The following PDE3A variants were observed in gnomAD, a reference collection of about 807,000 sequenced individuals.
PDE3A encodes the protein cGMP-inhibited 3',5'-cyclic phosphodiesterase 3A.
Under a neutral mutation model 98.3 loss-of-function variants are expected in PDE3A, and 43 were observed. The observed-to-expected ratio is 0.44, with a 90% CI of 0.34 to 0.56. PDE3A has a LOEUF of 0.56. Among genes scored for constraint, PDE3A ranks in the 20% least tolerant of loss-of-function variants. The probability of loss-of-function intolerance (pLI) is 0.01; values close to 1 mark genes in which losing one functional copy is unlikely to be tolerated. For synonymous variants in PDE3A, 663 were observed against 567.9 expected (o/e 1.17, Z -2.38); for missense variants, 1,427 against 1,440.7 (o/e 0.99, Z 0.15).
At chr12:20,456,824 G>A (rs1945160565) in intron 1 of PDE3A, among the ~76,000 whole-genome samples, 1 of 152,096 alleles carries the variant, frequency 6.6e-6, no homozygotes, top group Admixed American at 6.6e-5. Context: ...CTATGGGCTT[G>A]CCCACAGGAA....
intron 2 of PDE3A, among the ~76,000 whole-genome samples, chr12:20,604,074 CAGG>C (rs1035914630): frequency 6.6e-6 from 1 of 151,958 alleles, no homozygotes; most frequent in Non-Finnish European, 1.5e-5. Context: ...GAGGCTGAGG[CAGG>C]AGAATTGCTT....
At chr12:20,485,824 G>C (rs971480596) in intron 1 of PDE3A, among the ~76,000 whole-genome samples, 1 of 152,048 alleles carries the variant, frequency 6.6e-6, no homozygotes, top group Non-Finnish European at 1.5e-5. Flanking sequence ...AGGCTATGGA[G>C]TACAAAGATT....
intron 1 of PDE3A, among the ~76,000 whole-genome samples, chr12:20,385,002 G>T (rs766056757): frequency 3.5e-4 from 53 of 152,102 alleles, no homozygotes; most frequent in Middle Eastern, 3.4e-3. Flanking sequence ...AAACATGCAC[G>T]TATTTTTATA....
intron 2 of PDE3A, among the ~76,000 whole-genome samples, chr12:20,579,781 G>T (rs1055722609): frequency 6.6e-6 from 1 of 152,112 alleles, no homozygotes; most frequent in African/African-American, 2.4e-5. Context: ...TCAGAGTTGC[G>T]CATTAGGTAA....
At chr12:20,391,297 G>T (rs1037062856) in intron 1 of PDE3A, among the ~76,000 whole-genome samples, 10 of 149,312 alleles carry the variant, frequency 6.7e-5, no homozygotes, top group Non-Finnish European at 1.5e-4. Flanking sequence ...TATAAATTAG[G>T]CTATATTCAA....
At position 20,686,021 on chromosome 12, in the gene PDE3A, C is replaced by T. The variant is rs2120529439; in HGVS notation, c.*5750C>T. On this transcript the variant is annotated 3_prime_UTR_variant, in exon 16 of 16. Transcript: ENST00000359062. ...ACCCACAAAATGACATTCCGTGGTACTGAGTATTTTCACATAATCAGAACT... is the reference window on the plus strand; with the variant it reads ...ACCCACAAAATGACATTCCGTGGTATTGAGTATTTTCACATAATCAGAACT... Among the ~76,000 whole-genome samples the T allele has an allele frequency of 6.6e-6, 1 of 152,192 alleles. No individual in the cohort carries two copies. Among genetic ancestry groups the T allele is most frequent in the Non-Finnish European group, 1.5e-5 (1 of 67,974 alleles).
chr12:20,597,086 A>G (rs757035096), intron 2 of PDE3A, among the ~76,000 whole-genome samples: 40 of 152,172 alleles, frequency 2.6e-4, no homozygotes, highest in Non-Finnish European at 5.4e-4. Flanking sequence ...ACTGCTTTCA[A>G]ATGTTGAAAG....
At chr12:20,624,513 G>A (rs911014729) in intron 5 of PDE3A, among the ~76,000 whole-genome samples, 4 of 152,130 alleles carry the variant, frequency 2.6e-5, no homozygotes, top group African/African-American at 9.7e-5. Context: ...ATGGGCAGGT[G>A]GTAGGAATGA....
At chr12:20,438,247 C>T (rs1944811723) in intron 1 of PDE3A, among the ~76,000 whole-genome samples, 1 of 152,122 alleles carries the variant, frequency 6.6e-6, no homozygotes. Context: ...CCTAAAATTT[C>T]AATTTATCTT....
chr12:20,607,245 C>A (rs938258385), intron 2 of PDE3A, among the ~76,000 whole-genome samples: 1 of 151,836 alleles, frequency 6.6e-6, no homozygotes, highest in Non-Finnish European at 1.5e-5. Flanking sequence ...TCAAGACCAG[C>A]CTGGGCAAAA....
intron 1 of PDE3A, among the ~76,000 whole-genome samples, chr12:20,374,530 C>T (rs934147002): frequency 6.6e-6 from 1 of 152,014 alleles, no homozygotes; most frequent in East Asian, 1.9e-4. Context: ...GTGAGTGACA[C>T]TGGCATGAAA....
intron 1 of PDE3A, among the ~76,000 whole-genome samples, chr12:20,495,835 G>A (rs1410803178): frequency 6.6e-6 from 1 of 152,144 alleles, no homozygotes; most frequent in East Asian, 1.9e-4. Context: ...TAGCAATGTA[G>A]GAGAGTGCCT....
At chr12:20,482,964 A>C (rs1945657253) in intron 1 of PDE3A, among the ~76,000 whole-genome samples, 1 of 152,178 alleles carries the variant, frequency 6.6e-6, no homozygotes, top group African/African-American at 2.4e-5. Flanking sequence ...GGCAAATAAA[A>C]GTTTCTGCTT....
intron 1 of PDE3A, among the ~76,000 whole-genome samples, chr12:20,448,326 A>G (rs1944996177): frequency 6.6e-6 from 1 of 152,140 alleles, no homozygotes; most frequent in African/African-American, 2.4e-5. Context: ...CTGTAATTCC[A>G]GCTACTCAGG....
At chr12:20,652,893 C>A (rs111391688) in intron 14 of PDE3A, among the ~76,000 whole-genome samples, 3,874 of 152,208 alleles carry the variant, frequency 0.025, 142 homozygotes, top group African/African-American at 0.088. Flanking sequence ...AACAGGCAAC[C>A]TACAGAATGG....
At chr12:20,661,655 G>T (rs925638046) in intron 15 of PDE3A, among the ~76,000 whole-genome samples, 1 of 152,186 alleles carries the variant, frequency 6.6e-6, no homozygotes, top group African/African-American at 2.4e-5. Context: ...GAGGGTGGAC[G>T]CCTCAAGCCT....
In PDE3A at chr12:20,680,112, C is replaced by G. The variant is rs371559242; in HGVS notation, c.3267C>G (p.Val1089=). The G allele has an allele frequency of 3.4e-5, 55 of 1,613,160 alleles. No individual in the cohort carries two copies. Among genetic ancestry groups the G allele is most frequent in the Non-Finnish European group, 4.5e-5 (53 of 1,179,396 alleles). Residue 1089 remains valine, a synonymous_variant, in exon 16 of 16, where the codon GTC becomes GTG. Coordinates refer to ENST00000359062, the MANE Select transcript of PDE3A (RefSeq NM_000921.5). ...AGAACCACAAGATGTGGAAGAAAGTCATTGAAGAGGAGCAACGGTTGGCAG... is the reference window on the plus strand; with the variant it reads ...AGAACCACAAGATGTGGAAGAAAGTGATTGAAGAGGAGCAACGGTTGGCAG... ...LLQNHKMWKK[V]IEEEQRLAGI...
Position 20,621,320 on chromosome 12 carries a change from G to A in PDE3A, c.1449G>A (p.Val483=), listed in dbSNP as rs1944130486. Residue 483 remains valine, a synonymous_variant, in exon 5 of 16, where the codon GTG becomes GTA. Transcript: ENST00000359062. ...GTCCTGATTCTTGGAATAATCCAGT[G>A]ATGATGACCCTCACCAAAAGCAGAT... is the stretch of plus-strand genomic sequence containing the variant. ...SSSPDSWNNP[V]MMTLTKSRSF... 2 of 1,599,652 alleles carry A rather than the reference G, an allele frequency of 1.3e-6. No homozygotes were observed. The highest frequency in any genetic ancestry group is 1.3e-5 in the African/African-American group (1 of 74,578).
At chr12:20,661,010 C>T (rs543379861) in intron 15 of PDE3A, among the ~76,000 whole-genome samples, 2 of 152,298 alleles carry the variant, frequency 1.3e-5, no homozygotes, top group South Asian at 4.1e-4. Flanking sequence ...TTGGAATTTT[C>T]TAGAGACTTG....
Sources: gnomAD v4.1 joint callset for allele counts (sites outside exome capture counted in the v4.1 genomes callset) on GRCh38, gnomAD v4.1.1 for gene constraint, MANE v1.5 for transcripts, NCBI Gene and HGNC (gene_info 2026-07-23, HGNC 2026-07-21) for gene names.